The following AGBL4 variants were observed in gnomAD, a reference collection of about 807,000 sequenced individuals.
AGBL4 encodes cytosolic carboxypeptidase 6.
A neutral mutation model predicts 66.4 loss-of-function variants in AGBL4; 58 were observed. That is an observed-to-expected ratio of 0.87 (90% CI 0.71 to 1.09). AGBL4 has a LOEUF of 1.09. Among genes scored for constraint, AGBL4 ranks in the 50% least tolerant of loss-of-function variants. The pLI, the probability that AGBL4 is intolerant of heterozygous loss-of-function variation, is 0.00. For missense variants in AGBL4, 579 were observed against 631.0 expected (o/e 0.92, Z 0.88); for synonymous variants, 234 against 222.9 (o/e 1.05, Z -0.44).
At chr1:49,290,423 A>G (rs1644512241) in intron 3 of AGBL4, among the ~76,000 whole-genome samples, 1 of 152,198 alleles carries the variant, frequency 6.6e-6, no homozygotes, top group Admixed American at 6.5e-5. Context: ...TGAGTCACAC[A>G]GTCTAATATT....
At chr1:49,596,629 G>C (rs1204300680) in intron 3 of AGBL4, among the ~76,000 whole-genome samples, 1 of 152,172 alleles carries the variant, frequency 6.6e-6, no homozygotes, top group Non-Finnish European at 1.5e-5. Flanking sequence ...GAACTCTGAA[G>C]TATCCTTGCT....
At chr1:49,690,975 A>G (rs995562696) in intron 3 of AGBL4, among the ~76,000 whole-genome samples, 11 of 152,174 alleles carry the variant, frequency 7.2e-5, no homozygotes, top group African/African-American at 2.7e-4. Flanking sequence ...CCTGGAATGT[A>G]TGTCTAACGA....
intron 3 of AGBL4, among the ~76,000 whole-genome samples, chr1:49,273,702 A>C (rs1644108990): frequency 6.6e-6 from 1 of 151,738 alleles, no homozygotes; most frequent in Non-Finnish European, 1.5e-5. Context: ...TTCGAGATGG[A>C]GTCTCTCTCT....
At chr1:49,292,336 C>A (rs1644556331) in intron 3 of AGBL4, among the ~76,000 whole-genome samples, 1 of 152,228 alleles carries the variant, frequency 6.6e-6, no homozygotes, top group South Asian at 2.1e-4. Flanking sequence ...CAGACAGGTT[C>A]CTGGGCAGAA....
At chr1:48,679,847 T>A (rs1326933498) in intron 6 of AGBL4, among the ~76,000 whole-genome samples, 1 of 152,210 alleles carries the variant, frequency 6.6e-6, no homozygotes, top group Non-Finnish European at 1.5e-5. Flanking sequence ...TAGTCGCTTT[T>A]CCAATAAGCC....
chr1:49,244,931 T>G (rs1344161152), intron 4 of AGBL4, among the ~76,000 whole-genome samples: 2 of 151,764 alleles, frequency 1.3e-5, no homozygotes, highest in Non-Finnish European at 3.0e-5. Flanking sequence ...AATGAATGAA[T>G]GAATTGGCTG....
chr1:49,087,356 T>C (rs1435626187), intron 4 of AGBL4, among the ~76,000 whole-genome samples: 3 of 152,056 alleles, frequency 2.0e-5, no homozygotes, highest in African/African-American at 4.8e-5. Context: ...TAAAATGACA[T>C]AATAGATAAA....
chr1:49,266,893 A>G (rs141568467), intron 3 of AGBL4, among the ~76,000 whole-genome samples: 38 of 152,324 alleles, frequency 2.5e-4, no homozygotes, highest in African/African-American at 7.7e-4. Context: ...TGTAGGTGTG[A>G]AAGGTTCAGA....
At chr1:49,185,026 C>T (rs111732239) in intron 4 of AGBL4, among the ~76,000 whole-genome samples, 6 of 152,142 alleles carry the variant, frequency 3.9e-5, no homozygotes, top group Non-Finnish European at 8.8e-5. Flanking sequence ...CCACAATAAT[C>T]GTTGGCATTA....
intron 3 of AGBL4, among the ~76,000 whole-genome samples, chr1:49,605,288 G>C (rs1645043525): frequency 6.6e-6 from 1 of 152,096 alleles, no homozygotes; most frequent in Admixed American, 6.6e-5. Context: ...GAGCGGGTAG[G>C]TTGAATTTCT....
At chr1:49,969,607 T>C (rs1657880437) in intron 1 of AGBL4, among the ~76,000 whole-genome samples, 1 of 152,150 alleles carries the variant, frequency 6.6e-6, no homozygotes, top group African/African-American at 2.4e-5. Context: ...ATTTATGAAG[T>C]ATGAGTTTTT....
intron 1 of AGBL4, among the ~76,000 whole-genome samples, chr1:49,929,603 A>C (rs1653131414): frequency 6.6e-6 from 1 of 152,124 alleles, no homozygotes; most frequent in Non-Finnish European, 1.5e-5. Flanking sequence ...GACATACACA[A>C]GCTAACAGAA....
chr1:49,005,764 A>C (rs1557549468), intron 5 of AGBL4, among the ~76,000 whole-genome samples: 1 of 152,106 alleles, frequency 6.6e-6, no homozygotes, highest in Admixed American at 6.5e-5. Context: ...GCACTTTGGG[A>C]GGCCGAGGCA....
chr1:49,843,726 C>T (rs1571696264), intron 2 of AGBL4, among the ~76,000 whole-genome samples: 1 of 152,190 alleles, frequency 6.6e-6, no homozygotes, highest in Admixed American at 6.5e-5. Context: ...ATGTGGGCAT[C>T]TTGGGAAGCC....
intron 11 of AGBL4, among the ~76,000 whole-genome samples, chr1:48,559,726 CA>C: frequency 6.6e-6 from 1 of 151,996 alleles, no homozygotes; most frequent in Non-Finnish European, 1.5e-5. Context: ...CCAGCCTAAC[CA>C]ATTTGATTGT....
intron 6 of AGBL4, among the ~76,000 whole-genome samples, chr1:48,715,379 C>T (rs1295545958): frequency 6.6e-6 from 1 of 152,178 alleles, no homozygotes; most frequent in Non-Finnish European, 1.5e-5. Context: ...ATCATTCATT[C>T]ATTCATTTCT....
intron 3 of AGBL4, among the ~76,000 whole-genome samples, chr1:49,359,549 G>C (rs1275844472): frequency 6.6e-6 from 1 of 152,168 alleles, no homozygotes; most frequent in Non-Finnish European, 1.5e-5. Context: ...GGCTATGCTT[G>C]ATGTTAGAAG....
At chr1:49,604,991 AT>A (rs1645036962) in intron 3 of AGBL4, among the ~76,000 whole-genome samples, 1 of 152,158 alleles carries the variant, frequency 6.6e-6, no homozygotes, top group Non-Finnish European at 1.5e-5. Flanking sequence ...TTGAGTACAT[AT>A]CTTATGCCAA....
At chr1:48,893,762 G>GC (rs1651229904) in intron 5 of AGBL4, among the ~76,000 whole-genome samples, 1 of 152,036 alleles carries the variant, frequency 6.6e-6, no homozygotes, top group East Asian at 1.9e-4. Context: ...TTTCTACCAT[G>GC]CGAGGCTACA....
Sources: gnomAD v4.1 joint callset for allele counts (sites outside exome capture counted in the v4.1 genomes callset) on GRCh38, gnomAD v4.1.1 for gene constraint, MANE v1.5 for transcripts, NCBI Gene and HGNC (gene_info 2026-07-23, HGNC 2026-07-21) for gene names.